LRP5: variants seen among roughly 807,000 people sequenced by gnomAD.
The protein encoded by LRP5 is LDL receptor related protein 5, also known as low-density lipoprotein receptor-related protein 5.
Under a neutral mutation model 154.1 loss-of-function variants are expected in LRP5, and 62 were observed. The observed-to-expected ratio is 0.40, with a 90% CI of 0.33 to 0.50. LRP5 has a LOEUF of 0.50. Ranked by LOEUF, LRP5 falls within the 20% of genes least tolerant of loss-of-function variation. LRP5 has a pLI of 0.55. For missense variants in LRP5, 1,915 were observed against 2,336.7 expected (o/e 0.82, Z 3.72); for synonymous variants, 966 against 1,011.5 (o/e 0.96, Z 0.85).
chr11:68,413,850 G>C lies in LRP5; in HGVS notation c.2665G>C (p.Val889Leu). Residue 889 changes from valine (V) to leucine (L), a missense_variant, in exon 12 of 23, where the codon GTG becomes CTG. Around this residue, in one of 3 missense-constraint regions of LRP5, gnomAD observed 1,094 missense variants for 1,210.1 expected, o/e 0.90. Transcript: ENST00000294304. The surrounding 1 kb of genome is among the most constrained non-coding windows in gnomAD (Gnocchi z 5.1). ...CCTCATCCAGGGCCACCTGGACTTCGTGATGGACATCCTGGTGTTCCACTC... is the reference window on the plus strand; with the variant it reads ...CCTCATCCAGGGCCACCTGGACTTCCTGATGGACATCCTGGTGTTCCACTC... ...RTLIQGHLDF[V>L]MDILVFHSSR... 1.2e-6 allele frequency: 2 copies of C among 1,613,594 alleles called. No individual in the cohort carries two copies. The highest frequency in any genetic ancestry group is 1.7e-6 in the Non-Finnish European group (2 of 1,180,034).
At chr11:68,405,650 G>T (rs1301206022) in intron 8 of LRP5, among the ~76,000 whole-genome samples, 1 of 152,116 alleles carries the variant, frequency 6.6e-6, no homozygotes, top group Non-Finnish European at 1.5e-5. Flanking sequence ...CCCGTGGTTT[G>T]CTAAAGGAGA....
intron 7 of LRP5, among the ~76,000 whole-genome samples, chr11:68,390,755 CCGCTGTGGTCGGGTTT>C (rs2098645842): frequency 1.4e-4 from 1 of 7,242 alleles, no homozygotes; most frequent in African/African-American, 4.1e-4. Flanking sequence ...CCTCGCCCTG[CCGCTGTGGTCGGGTTT>C]CAGTGGCCTC....
Position 68,386,537 on chromosome 11 carries a change from A to G in LRP5, c.1237A>G (p.Thr413Ala). ...DGSGAQTLVN[T>A]EINDPDGIAV... ...GTCTGGGGCGCAGACGCTGGTCAAC[A>G]CCGAGATCAACGACCCCGATGGCAT... The change falls in exon 6 of 23, where the codon ACC (threonine) becomes GCC (alanine). Residue 413 changes from threonine to alanine, a missense_variant. This residue lies in a region of LRP5 where 773 missense variants were observed against 1,100.9 expected (regional missense o/e 0.70). Coordinates refer to ENST00000294304, the MANE Select transcript of LRP5 (RefSeq NM_002335.4). This position sits in a 1 kb window ranked among gnomAD's most constrained non-coding sequence, Gnocchi z 7.9. 1.2e-6 allele frequency: 2 copies of G among 1,613,858 alleles called. No individual in the cohort carries two copies. Among genetic ancestry groups the G allele is most frequent in the Non-Finnish European group, 1.7e-6 (2 of 1,179,966 alleles).
chr11:68,378,733 T>C (rs1484735973), intron 5 of LRP5, among the ~76,000 whole-genome samples: 1 of 152,200 alleles, frequency 6.6e-6, no homozygotes, highest in Non-Finnish European at 1.5e-5. Flanking sequence ...TTTTTCTGTT[T>C]ACGGATCAAA....
chr11:68,308,057 C>T (rs952026745), upstream of LRP5, among the ~76,000 whole-genome samples: 4 of 152,234 alleles, frequency 2.6e-5, no homozygotes, highest in South Asian at 2.1e-4. Flanking sequence ...AGGCCGATGG[C>T]GGCCTTCCCT....
chr11:68,347,670 G>A (rs1013961824), intron 1 of LRP5, among the ~76,000 whole-genome samples, 177 bp from the exon 2 acceptor site: 1 of 152,212 alleles, frequency 6.6e-6, no homozygotes, highest in Non-Finnish European at 1.5e-5. Flanking sequence ...TGAATGATGC[G>A]GGCCGGGGCT....
intron 1 of LRP5, among the ~76,000 whole-genome samples, chr11:68,333,340 T>C (rs2098603975): frequency 6.6e-6 from 1 of 152,198 alleles, no homozygotes; most frequent in African/African-American, 2.4e-5. Flanking sequence ...GGCCCAGCAA[T>C]GAATATTTTC....
chr11:68,413,597 A>T lies in LRP5; in HGVS notation c.2504-92A>T. The T allele has an allele frequency of 8.9e-7, 1 of 1,126,928 alleles. No individual in the cohort carries two copies. The highest frequency in any genetic ancestry group is 1.3e-6 in the Non-Finnish European group (1 of 743,950). The allele number at this position is 1,126,928 out of a possible 1,614,324, so 69.8% of individuals were successfully genotyped here. ...GGCATTCATGTGGTCGCTAGGCTGC[A>T]GGGTTGAACCCTGGCTCACCCCGCA... On this transcript the variant is annotated intron_variant, in intron 11 of 22. Transcript: ENST00000294304. The surrounding 1 kb of genome is among the most constrained non-coding windows in gnomAD (Gnocchi z 5.1).
chr11:68,318,156 G>A (rs555465381), intron 1 of LRP5, among the ~76,000 whole-genome samples: 3 of 151,420 alleles, frequency 2.0e-5, no homozygotes, highest in South Asian at 2.1e-4. Context: ...CCAGGGTCAC[G>A]CCTTTCTCCT....
intron 5 of LRP5, among the ~76,000 whole-genome samples, chr11:68,377,941 T>C (rs2098638263): frequency 6.6e-6 from 1 of 152,134 alleles, no homozygotes; most frequent in Non-Finnish European, 1.5e-5. Flanking sequence ...TATCCTGGGT[T>C]GGTGCCGGCT....
intron 5 of LRP5, among the ~76,000 whole-genome samples, chr11:68,371,002 T>G (rs1435325340): frequency 6.6e-6 from 1 of 152,170 alleles, no homozygotes; most frequent in South Asian, 2.1e-4. Flanking sequence ...GGTTCCCCAG[T>G]CTGACCTCAG....
chr11:68,322,505 C>T (rs1324804846), intron 1 of LRP5, among the ~76,000 whole-genome samples: 5 of 152,254 alleles, frequency 3.3e-5, no homozygotes, highest in African/African-American at 9.6e-5. Context: ...CCTGGCAGGC[C>T]GTGCCGCCCT....
At chr11:68,352,109 G>A (rs1418049683) in intron 2 of LRP5, among the ~76,000 whole-genome samples, 4 of 152,160 alleles carry the variant, frequency 2.6e-5, no homozygotes, top group African/African-American at 4.8e-5. Flanking sequence ...TGAGCTGTGG[G>A]GTGGGTGGCG....
chr11:68,327,922 C>G (rs566051307), intron 1 of LRP5, among the ~76,000 whole-genome samples: 4 of 152,340 alleles, frequency 2.6e-5, no homozygotes, highest in Admixed American at 2.0e-4. Context: ...CCAAATTCTT[C>G]TTAACTTCCA....
At chr11:68,393,419 T>C (rs138136505) in intron 7 of LRP5, among the ~76,000 whole-genome samples, 31 of 152,336 alleles carry the variant, frequency 2.0e-4, no homozygotes, top group Middle Eastern at 3.4e-3. Flanking sequence ...GCTGCGCCGT[T>C]CTGCATCCCC....
intron 16 of LRP5, among the ~76,000 whole-genome samples, chr11:68,427,830 G>A (rs549325618): frequency 7.7e-4 from 118 of 152,284 alleles, no homozygotes; most frequent in Non-Finnish European, 1.4e-3. Context: ...TTCCACCTGG[G>A]TGTGGTCAGC....
chr11:68,316,079 A>G (rs552479383), intron 1 of LRP5, among the ~76,000 whole-genome samples: 2 of 152,180 alleles, frequency 1.3e-5, no homozygotes, highest in East Asian at 3.9e-4. Context: ...ACCCATACCC[A>G]TTACACGGTG....
the LRP5 span, among the ~76,000 whole-genome samples, chr11:68,300,000 C>A: frequency 6.7e-6 from 1 of 148,564 alleles, no homozygotes; most frequent in Non-Finnish European, 1.5e-5. Context: ...CAGGTTCAAG[C>A]GATTCTCCTG....
At chr11:68,332,007 T>G (rs2098603109) in intron 1 of LRP5, among the ~76,000 whole-genome samples, 2 of 151,932 alleles carry the variant, frequency 1.3e-5, no homozygotes, top group South Asian at 2.1e-4. Flanking sequence ...AGAGGTGGTG[T>G]TATTCTGTAG....
Sources: gnomAD v4.1 joint callset for allele counts (sites outside exome capture counted in the v4.1 genomes callset) on GRCh38, gnomAD v4.1.1 for gene constraint, gnomAD v4.1.1 regional missense constraint, Gnocchi (gnomAD v3.1) non-coding constraint, MANE v1.5 for transcripts, NCBI Gene and HGNC (gene_info 2026-07-23, HGNC 2026-07-21) for gene names.